ERAP2: variants seen among roughly 807,000 people sequenced by gnomAD.
The protein encoded by ERAP2 is endoplasmic reticulum aminopeptidase 2.
A neutral mutation model predicts 111.1 loss-of-function variants in ERAP2; 118 were observed. That is an observed-to-expected ratio of 1.06 (90% CI 0.92 to 1.24). ERAP2 has a LOEUF of 1.24. Ranked by LOEUF, ERAP2 falls within the 50% of genes most tolerant of loss-of-function variation. The pLI is 0.00. For synonymous variants in ERAP2, 410 were observed against 401.2 expected (o/e 1.02, Z -0.26); for missense variants, 1,131 against 1,125.8 (o/e 1.00, Z -0.07).
At chr5:96,891,371 G>GTA (rs56369509) in intron 5 of ERAP2, among the ~76,000 whole-genome samples, 6,866 of 89,122 alleles carry the variant, frequency 0.077, 244 homozygotes, top group South Asian at 0.16. Flanking sequence ...ATATATATGT[G>GTA]TATATATATA....
chr5:96,899,336 T>C (rs542238205), intron 9 of ERAP2, among the ~76,000 whole-genome samples: 1 of 152,316 alleles, frequency 6.6e-6, no homozygotes, highest in South Asian at 2.1e-4. Context: ...ACCAACTCTC[T>C]TCTGACACCA....
In ERAP2 at chr5:96,913,494, T is replaced by A. The variant is rs566572897; in HGVS notation, c.2657+37T>A. Reference sequence around the variant, plus strand: ...TTTTCATCCAATGTTTGTTCTTCCATGCAGATGTCTCAGTTGCCTCAAACC... The same window carrying A: ...TTTTCATCCAATGTTTGTTCTTCCAAGCAGATGTCTCAGTTGCCTCAAACC... On this transcript the variant is annotated intron_variant, in intron 17 of 18. Coordinates refer to ENST00000437043, the MANE Select transcript of ERAP2 (RefSeq NM_022350.5). The A allele has an allele frequency of 3.9e-5, 62 of 1,610,244 alleles. 2 individuals carry two copies. In the South Asian group the frequency reaches 6.5e-4, roughly 17 times the overall value.
At chr5:96,892,237 A>G (rs1784459235) in intron 5 of ERAP2, 62 bp from the exon 6 acceptor site, 1 of 1,554,838 alleles carries the variant, frequency 6.4e-7, no homozygotes, top group Non-Finnish European at 8.9e-7. Flanking sequence ...TTGAGCAGAG[A>G]GCAAATTCTA....
intron 17 of ERAP2, among the ~76,000 whole-genome samples, chr5:96,913,863 AT>A (rs1316656786): frequency 6.6e-6 from 1 of 152,154 alleles, no homozygotes; most frequent in East Asian, 1.9e-4. Context: ...AATCTCAGGA[AT>A]TTTGGTAAGA....
chr5:96,913,320 A>C lies in ERAP2; in HGVS notation c.2520A>C (p.Leu840Phe), dbSNP rs374643424. 1.9e-6 allele frequency: 3 copies of C among 1,613,366 alleles called. No individual in the cohort carries two copies. The highest frequency in any genetic ancestry group is 1.7e-5 in the Admixed American group (1 of 59,908). Residue 840 changes from leucine (L) to phenylalanine (F), a missense_variant, in exon 17 of 19, where the codon TTA (leucine) becomes TTC (phenylalanine). Around this residue, in one of 3 missense-constraint regions of ERAP2, gnomAD observed 279 missense variants for 250.9 expected, o/e 1.11. Transcript: ENST00000437043. ...CAAATTATTTTTCTTTCTTCAGGTTAATTGAACTAGGAATGGAAGGAAAGG... is the reference window on the plus strand; with the variant it reads ...CAAATTATTTTTCTTTCTTCAGGTTCATTGAACTAGGAATGGAAGGAAAGG... ...TSKHQEKLLK[L>F]IELGMEGKVI... is the part of the protein sequence containing the mutation.
intron 17 of ERAP2, among the ~76,000 whole-genome samples, chr5:96,913,779 A>G (rs1371201022): frequency 6.6e-6 from 1 of 152,230 alleles, no homozygotes; most frequent in Non-Finnish European, 1.5e-5. Context: ...AGCCCAGAAG[A>G]ATCCCAAGAT....
intron 8 of ERAP2, 106 bp downstream of exon 8, chr5:96,896,610 C>T (rs549733062): frequency 6.8e-7 from 1 of 1,468,560 alleles, no homozygotes; most frequent in South Asian, 1.3e-5. Flanking sequence ...ACTTGTTTCA[C>T]TTTTTATTTG....
Position 96,895,236 on chromosome 5 carries a change from T to C in ERAP2, c.1126-10T>C, listed in dbSNP as rs895869766. 6.5e-7 allele frequency: 1 copy of C among 1,529,396 alleles called. No homozygotes were observed. The highest frequency in any genetic ancestry group is 1.4e-5 in the African/African-American group (1 of 72,520). The allele number at this position is 1,529,396 out of a possible 1,614,324, so 94.7% of individuals were successfully genotyped here. A position where few individuals can be genotyped will look rare whatever the true frequency, so the allele number is the denominator to read the frequency against. Reference sequence around the variant, plus strand: ...TTAACTTCTAATAATATTGAGTTTTTACCTCCTAGTGGTTTGGCAACCTGG... The same window carrying C: ...TTAACTTCTAATAATATTGAGTTTTCACCTCCTAGTGGTTTGGCAACCTGG... On this transcript the variant is annotated splice_polypyrimidine_tract_variant and intron_variant, in intron 6 of 18. Coordinates refer to ENST00000437043, the MANE Select transcript of ERAP2 (RefSeq NM_022350.5).
At chr5:96,915,122 C>T (rs1787228568) in intron 17 of ERAP2, among the ~76,000 whole-genome samples, 1 of 152,060 alleles carries the variant, frequency 6.6e-6, no homozygotes, top group Non-Finnish European at 1.5e-5. Context: ...ACTCTCCTGC[C>T]TCAGCCTCCT....
chr5:96,918,281 T>G lies in ERAP2; in HGVS notation c.*676T>G, dbSNP rs953230142. 1 of 152,334 alleles carries G rather than the reference T, an allele frequency of 6.6e-6. No individual in the cohort carries two copies. Among genetic ancestry groups the G allele is most frequent in the Admixed American group, 6.5e-5 (1 of 15,284 alleles). The allele number at this position is 152,334 out of a possible 1,614,324, so 9.4% of individuals were successfully genotyped here. The stretch of plus-strand genomic sequence containing the variant: ...CTTCACGCTATGCCACTATTTTGCT[T>G]CTTTAATTTTTTTAACCTTGCTTAG... On this transcript the variant is annotated 3_prime_UTR_variant, in exon 19 of 19. Transcript: ENST00000437043.
At position 96,913,399 on chromosome 5, in the gene ERAP2, A is replaced by AT; in HGVS notation, c.2599_2600insT (p.Lys867IlefsTer22). Reference sequence around the variant, plus strand: ...CCTTCATGCGATTGCCAGACGTCCAAAGGGGCAGCAACTAGCATGGGATTT... The same window carrying AT: ...CCTTCATGCGATTGCCAGACGTCCAATAGGGGCAGCAACTAGCATGGGATTT... On this transcript the variant is annotated frameshift_variant, in exon 17 of 19. Transcript: ENST00000437043. LOFTEE classifies it high-confidence loss of function. 1 of 1,614,158 alleles carries AT rather than the reference A, an allele frequency of 6.2e-7. No homozygotes were observed. The highest frequency in any genetic ancestry group is 1.1e-5 in the South Asian group (1 of 91,070).
At chr5:96,895,137 A>T in intron 6 of ERAP2, 109 bp from the exon 7 acceptor site, 1 of 635,000 alleles carries the variant, frequency 1.6e-6, no homozygotes, top group Admixed American at 3.2e-5. Context: ...CAAAGAGAGA[A>T]GAGAGATCCT....
At chr5:96,914,432 A>T (rs184447590) in intron 17 of ERAP2, among the ~76,000 whole-genome samples, 1 of 152,156 alleles carries the variant, frequency 6.6e-6, no homozygotes, top group South Asian at 2.1e-4. Context: ...TGACGTCCAC[A>T]TGAGACCAAA....
rs149794064 is a variant in ERAP2 at position 96,903,382 on chromosome 5, C to T, written c.1834C>T (p.Leu612=). Residue 612 remains leucine (L), a synonymous_variant, in exon 13 of 19, where the codon CTG becomes TTG. Coordinates refer to ENST00000437043, the MANE Select transcript of ERAP2 (RefSeq NM_022350.5). The part of the protein sequence containing the change: ...RHILKSKTDT[L]DLPEKTSWVK... ...TGCCAATCTTATCCTCTTAGATACT[C>T]TGGATCTACCTGAAAAGACCAGTTG... is the stretch of plus-strand genomic sequence containing the variant. 9 of 1,611,202 alleles carry T rather than the reference C, an allele frequency of 5.6e-6. No homozygotes were observed. In the African/African-American group the frequency reaches 1.1e-4, roughly 19 times the overall value.
At chr5:96,901,821 A>G in intron 11 of ERAP2, 140 bp downstream of exon 11, 2 of 797,924 alleles carry the variant, frequency 2.5e-6, no homozygotes, top group Non-Finnish European at 3.8e-6. Flanking sequence ...AGACTTGATA[A>G]GATTTAAAGA....
At chr5:96,899,553 G>A (rs1321283549) in intron 9 of ERAP2, among the ~76,000 whole-genome samples, 1 of 152,136 alleles carries the variant, frequency 6.6e-6, no homozygotes, top group Non-Finnish European at 1.5e-5. Context: ...TTAAGTACTG[G>A]TTATTCAAGG....
In ERAP2 at chr5:96,879,919, T is replaced by C; in HGVS notation, c.234T>C (p.Tyr78=). The stretch of plus-strand genomic sequence containing the variant: ...CCAGTGTGGTCATTCCTCTCCATTA[T>C]GACCTCTTTGTCCACCCCAATCTCA... The part of the protein sequence containing the change: ...RLPSVVIPLH[Y]DLFVHPNLTS... Residue 78 remains tyrosine (Y), a synonymous_variant, in exon 2 of 19, where the codon TAT becomes TAC. Transcript: ENST00000437043. The C allele has an allele frequency of 1.2e-6, 2 of 1,614,182 alleles. No homozygotes were observed. The highest frequency in any genetic ancestry group is 8.5e-7 in the Non-Finnish European group (1 of 1,180,028).
intron 10 of ERAP2, among the ~76,000 whole-genome samples, chr5:96,900,763 A>G (rs1208218229): frequency 6.6e-6 from 1 of 152,032 alleles, no homozygotes; most frequent in Non-Finnish European, 1.5e-5. Flanking sequence ...TGCAACCTCC[A>G]CCTCTCTGGT....
At chr5:96,880,374 G>C in intron 2 of ERAP2, 114 bp downstream of exon 2, 2 of 949,912 alleles carry the variant, frequency 2.1e-6, no homozygotes, top group South Asian at 1.8e-5. Flanking sequence ...GTGAACTATG[G>C]GGAACCCAGA....
Sources: allele counts gnomAD v4.1 joint callset (sites outside exome capture counted in the v4.1 genomes callset), GRCh38; gene constraint gnomAD v4.1.1; regional missense constraint gnomAD v4.1.1; transcripts MANE v1.5; gene names NCBI Gene and HGNC (gene_info 2026-07-23, HGNC 2026-07-21).